Variants in SOX5 observed in about 807,000 individuals in gnomAD.
SOX5 encodes the protein transcription factor SOX-5.
In SOX5, 9 loss-of-function variants were observed where a neutral mutation model predicts 92.0. The observed-to-expected ratio is 0.10, with a 90% CI of 0.06 to 0.17. The LOEUF is 0.17. SOX5 is among the 10% of genes least tolerant of loss of function. The probability of loss-of-function intolerance (pLI) is 1.00; values close to 1 mark genes in which losing one functional copy is unlikely to be tolerated. For missense variants in SOX5, 642 were observed against 944.5 expected, an observed-to-expected ratio of 0.68 and a Z score of 4.20; for synonymous variants, 344 against 336.3, an observed-to-expected ratio of 1.02 and a Z score of -0.25.
At chr12:23,887,917 A>ATATGTGTG (rs71445966) in intron 2 of SOX5, among the ~76,000 whole-genome samples, 5 of 144,664 alleles carry the variant, frequency 3.5e-5, no homozygotes, top group Non-Finnish European at 7.5e-5. Context: ...CAGTGTGTAT[A>ATATGTGTG]TGTGTGTGTG....
At chr12:24,066,725 C>G (rs2137357225) in intron 4 of SOX5, among the ~76,000 whole-genome samples, 1 of 152,270 alleles carries the variant, frequency 6.6e-6, no homozygotes, top group South Asian at 2.1e-4. Context: ...AGTTCACAAT[C>G]ATTCTTAAAA....
chr12:23,878,472 C>G (rs1322590822), intron 2 of SOX5, among the ~76,000 whole-genome samples: 1 of 151,986 alleles, frequency 6.6e-6, no homozygotes, highest in Non-Finnish European at 1.5e-5. Context: ...ACAAAAATAT[C>G]TGTTCCAGGA....
intron 4 of SOX5, among the ~76,000 whole-genome samples, chr12:24,173,962 T>G (rs970415390): frequency 2.0e-5 from 3 of 152,028 alleles, no homozygotes; most frequent in South Asian, 2.1e-4. Flanking sequence ...TCTTGGGCAG[T>G]GTGACCCAGA....
chr12:24,423,325 C>A (rs1452484062), intron 1 of SOX5, among the ~76,000 whole-genome samples: 1 of 152,194 alleles, frequency 6.6e-6, no homozygotes, highest in Admixed American at 6.5e-5. Flanking sequence ...TTCTTGACCT[C>A]TTAATCCTTG....
intron 3 of SOX5, among the ~76,000 whole-genome samples, chr12:24,215,485 A>C (rs935249649): frequency 2.6e-5 from 4 of 152,162 alleles, no homozygotes; most frequent in African/African-American, 9.6e-5. Context: ...GATATCAAGG[A>C]AACAATTCCA....
At chr12:24,220,829 G>A (rs1960228628) in intron 3 of SOX5, among the ~76,000 whole-genome samples, 1 of 152,168 alleles carries the variant, frequency 6.6e-6, no homozygotes, top group Non-Finnish European at 1.5e-5. Context: ...CAAACTCATA[G>A]AGTCAGAAAA....
At chr12:23,975,002 G>A (rs545580425) in intron 4 of SOX5, among the ~76,000 whole-genome samples, 35 of 152,174 alleles carry the variant, frequency 2.3e-4, no homozygotes, top group African/African-American at 8.2e-4. Flanking sequence ...TCTATTTGAT[G>A]CTAAGGTAAA....
At chr12:23,814,287 G>A (rs527545803) in intron 3 of SOX5, among the ~76,000 whole-genome samples, 190 of 152,212 alleles carry the variant, frequency 1.2e-3, no homozygotes, top group African/African-American at 4.4e-3. Context: ...CATACTTGCT[G>A]GTAACTAACC....
intron 2 of SOX5, among the ~76,000 whole-genome samples, chr12:24,298,719 T>C (rs1947582527): frequency 6.8e-6 from 1 of 147,712 alleles, no homozygotes; most frequent in East Asian, 2.0e-4. Context: ...ATTTATGTAC[T>C]TGCTGAAGGT....
intron 3 of SOX5, among the ~76,000 whole-genome samples, chr12:23,791,802 C>T (rs1293396807): frequency 1.3e-5 from 2 of 151,848 alleles, no homozygotes; most frequent in Non-Finnish European, 2.9e-5. Flanking sequence ...AAGTGAAATA[C>T]TGAAACTCCC....
chr12:24,183,623 T>C (rs1955727627), intron 4 of SOX5, among the ~76,000 whole-genome samples: 1 of 152,164 alleles, frequency 6.6e-6, no homozygotes, highest in African/African-American at 2.4e-5. Context: ...GTCCTCAATA[T>C]ATGGAAGGTT....
At chr12:24,535,800 C>T (rs1270257882) in intron 1 of SOX5, among the ~76,000 whole-genome samples, 3 of 152,152 alleles carry the variant, frequency 2.0e-5, no homozygotes, top group Admixed American at 6.5e-5. Flanking sequence ...CCTGATAGAA[C>T]CATTCCATAA....
intron 1 of SOX5, among the ~76,000 whole-genome samples, chr12:24,454,875 G>C (rs1422996443): frequency 2.0e-5 from 3 of 152,074 alleles, no homozygotes; most frequent in Non-Finnish European, 4.4e-5. Flanking sequence ...AATTAGACAG[G>C]AAAGAATATT....
intron 3 of SOX5, among the ~76,000 whole-genome samples, chr12:23,766,057 C>T (rs1012660884): frequency 6.6e-6 from 1 of 152,124 alleles, no homozygotes; most frequent in Non-Finnish European, 1.5e-5. Flanking sequence ...ACTAACGATG[C>T]CTTACTTGAA....
intron 1 of SOX5, among the ~76,000 whole-genome samples, chr12:24,465,403 T>C (rs1189675301): frequency 6.6e-6 from 1 of 152,248 alleles, no homozygotes; most frequent in African/African-American, 2.4e-5. Context: ...TTATATGCAA[T>C]TTAAGAGATG....
intron 3 of SOX5, among the ~76,000 whole-genome samples, chr12:23,790,200 T>C (rs994425267): frequency 2.0e-5 from 3 of 152,198 alleles, no homozygotes; most frequent in Admixed American, 1.3e-4. Flanking sequence ...TTTTCCAGTT[T>C]ATGTGTTCTA....
chr12:24,434,474 C>T (rs1048230183), intron 1 of SOX5, among the ~76,000 whole-genome samples: 7 of 152,124 alleles, frequency 4.6e-5, no homozygotes, highest in Admixed American at 2.6e-4. Flanking sequence ...AGAAAGGACC[C>T]CTCCCTTCTC....
At chr12:24,424,630 G>A (rs1966428160) in intron 1 of SOX5, among the ~76,000 whole-genome samples, 2 of 151,916 alleles carry the variant, frequency 1.3e-5, no homozygotes, top group Non-Finnish European at 2.9e-5. Context: ...CTGTTGTAAC[G>A]ACCTCTGCAC....
At chr12:23,772,260 C>T (rs749063871) in intron 3 of SOX5, among the ~76,000 whole-genome samples, 7 of 152,096 alleles carry the variant, frequency 4.6e-5, no homozygotes, top group Non-Finnish European at 8.8e-5. Context: ...ATTTTTATTC[C>T]ATGCTTTGTG....
Sources: gnomAD v4.1 joint callset for allele counts (sites outside exome capture counted in the v4.1 genomes callset) on GRCh38, gnomAD v4.1.1 for gene constraint, MANE v1.5 for transcripts, NCBI Gene and HGNC (gene_info 2026-07-23, HGNC 2026-07-21) for gene names.